Variants in SAMSN1 observed in about 807,000 individuals in gnomAD.
SAMSN1 encodes the protein SAM domain, SH3 domain and nuclear localization signals 1.
A neutral mutation model predicts 42.0 loss-of-function variants in SAMSN1; 31 were observed. That is an observed-to-expected ratio of 0.74 (90% CI 0.55 to 1.00). The LOEUF is 1.00. SAMSN1 is among the 50% of genes least tolerant of loss of function. The probability of loss-of-function intolerance (pLI) is 0.00; values close to 1 mark genes in which losing one functional copy is unlikely to be tolerated. For synonymous variants in SAMSN1, 178 were observed against 151.9 expected, an observed-to-expected ratio of 1.17 and a Z score of -1.26; for missense variants, 464 against 439.4, an observed-to-expected ratio of 1.06 and a Z score of -0.50.
At chr21:14,657,930 C>G (rs1243722660) in intron 1 of SAMSN1, among the ~76,000 whole-genome samples, 1 of 151,746 alleles carries the variant, frequency 6.6e-6, no homozygotes, top group African/African-American at 2.4e-5. Context: ...ATCTTATGTG[C>G]AATTAGGAAA....
exon 5 of SAMSN1, chr21:14,609,494 A>T (rs1982650770): frequency 1.4e-6 from 1 of 717,976 alleles, no homozygotes; most frequent in African/African-American, 1.7e-5. Context: ...TTTAGCTGAC[A>T]GGGCCTTCTG....
upstream of SAMSN1, among the ~76,000 whole-genome samples, chr21:14,586,629 A>C (rs565489614): frequency 6.6e-6 from 1 of 152,312 alleles, no homozygotes; most frequent in African/African-American, 2.4e-5. Context: ...AAACATAAGA[A>C]TGTGACATAA....
intron 5 of SAMSN1, among the ~76,000 whole-genome samples, chr21:14,504,685 G>A (rs1224151649): frequency 6.6e-6 from 1 of 152,172 alleles, no homozygotes; most frequent in Non-Finnish European, 1.5e-5. Context: ...GTATTTGGAG[G>A]AATAATCAAG....
chr21:14,540,763 G>A lies in SAMSN1; in HGVS notation c.57+5442C>T, dbSNP rs889656338. 2.2e-4 allele frequency among the ~76,000 whole-genome samples: 33 copies of A among 152,294 alleles called. 5 individuals are homozygous for A. The highest frequency in any genetic ancestry group is 1.2e-3 in the Admixed American group (19 of 15,296). On this transcript the variant is annotated intron_variant, in intron 1 of 7. Coordinates refer to ENST00000400566, the MANE Select transcript of SAMSN1 (RefSeq NM_022136.5). ...ATCTAGAACTAGTAATTCCATTTGA[G>A]CCAGCCATCCCATTGCTGGGTATAT...
chr21:14,548,488 A>G (rs1386881827), upstream of SAMSN1, among the ~76,000 whole-genome samples: 1 of 152,194 alleles, frequency 6.6e-6, no homozygotes, highest in African/African-American at 2.4e-5. Flanking sequence ...GTTATACTCA[A>G]GCAAACAAAA....
chr21:14,576,824 T>A (rs1217255574), intron 2 of SAMSN1, among the ~76,000 whole-genome samples: 1 of 152,166 alleles, frequency 6.6e-6, no homozygotes. Context: ...TGATTCTGTC[T>A]CTCACTATTA....
rs148981911 is a variant in SAMSN1 at position 14,571,871 on chromosome 21, C to T, written c.261+10265G>A. On this transcript the variant is annotated intron_variant, in intron 2 of 8. Transcript: ENST00000285670. ...AAGAAGCTAAAAGTAAACTCTCACCCGTTGCTCACTGTATACATTTCAGTG... is the reference window on the plus strand; with the variant it reads ...AAGAAGCTAAAAGTAAACTCTCACCTGTTGCTCACTGTATACATTTCAGTG... 3.3e-3 allele frequency among the ~76,000 whole-genome samples: 500 copies of T among 152,262 alleles called. 5 individuals are homozygous for T. Among genetic ancestry groups the T allele is most frequent in the African/African-American group, 0.011 (464 of 41,542 alleles).
chr21:14,544,725 C>T (rs1980276064), intron 1 of SAMSN1, among the ~76,000 whole-genome samples: 1 of 152,100 alleles, frequency 6.6e-6, no homozygotes, highest in South Asian at 2.1e-4. Context: ...ATAATAGTTA[C>T]TGCTCTTAAG....
At chr21:14,615,482 C>T (rs374329212) in intron 3 of SAMSN1, among the ~76,000 whole-genome samples, 34 of 152,222 alleles carry the variant, frequency 2.2e-4, no homozygotes, top group Non-Finnish European at 3.4e-4. Context: ...CCCCATAAAC[C>T]GGCTTCCTGC....
chr21:14,547,979 A>G (rs545134312), upstream of SAMSN1, among the ~76,000 whole-genome samples: 29 of 152,270 alleles, frequency 1.9e-4, no homozygotes, highest in East Asian at 3.7e-3. Flanking sequence ...GAACACTGGA[A>G]AACCTGAGAA....
exon 5 of SAMSN1, chr21:14,609,491 G>C (rs758124472): frequency 9.8e-6 from 7 of 717,906 alleles, no homozygotes; most frequent in Non-Finnish European, 1.8e-5. Flanking sequence ...CCTTTTAGCT[G>C]ACAGGGCCTT....
At chr21:14,611,690 T>A (rs1270143610) in intron 4 of SAMSN1, among the ~76,000 whole-genome samples, 1 of 152,124 alleles carries the variant, frequency 6.6e-6, no homozygotes, top group East Asian at 1.9e-4. Flanking sequence ...TAACAACGAG[T>A]GACTGCAGGA....
chr21:14,575,669 C>T (rs1981436282), intron 2 of SAMSN1, among the ~76,000 whole-genome samples: 1 of 152,178 alleles, frequency 6.6e-6, no homozygotes, highest in Admixed American at 6.6e-5. Context: ...AGTGTGTGAG[C>T]TTTCTTCTTA....
At chr21:14,566,164 A>C (rs1419856134) in intron 2 of SAMSN1, among the ~76,000 whole-genome samples, 1 of 152,186 alleles carries the variant, frequency 6.6e-6, no homozygotes, top group Admixed American at 6.5e-5. Context: ...GTCAAAGGAG[A>C]CTTTTCTCCA....
chr21:14,589,104 T>G (rs1982008080), intron 7 of SAMSN1, among the ~76,000 whole-genome samples: 1 of 152,160 alleles, frequency 6.6e-6, no homozygotes. Context: ...TATCTCATTT[T>G]CAGACACTTT....
At chr21:14,604,941 G>T (rs1247738828) in intron 5 of SAMSN1, among the ~76,000 whole-genome samples, 1 of 152,224 alleles carries the variant, frequency 6.6e-6, no homozygotes, top group Non-Finnish European at 1.5e-5. Context: ...AGCCTAATAA[G>T]ATGTTCTTTT....
intron 2 of SAMSN1, among the ~76,000 whole-genome samples, chr21:14,578,756 G>A (rs188707915): frequency 6.8e-6 from 1 of 147,958 alleles, no homozygotes; most frequent in Non-Finnish European, 1.5e-5. Flanking sequence ...GGAGAAACTA[G>A]TGTCCTTGTA....
exon 1 of SAMSN1, chr21:14,583,384 T>G: frequency 2.9e-6 from 1 of 344,894 alleles, no homozygotes; most frequent in Non-Finnish European, 5.2e-6. Context: ...ATGGCGACAG[T>G]GGACACTGCT....
rs192668069 is a variant in SAMSN1, at chr21:14,491,540, C to G, written c.920-5426G>C. On this transcript the variant is annotated intron_variant, in intron 7 of 7. Transcript: ENST00000400566. ...GCAGAGGGAAATCTGTACAAACAAG[C>G]CATGTTAAACAAACCCTTATCTATC... is the stretch of plus-strand genomic sequence containing the variant. Among the ~76,000 whole-genome samples, 4 of 152,304 alleles carry G rather than the reference C, an allele frequency of 2.6e-5. No homozygotes were observed. In the East Asian group the frequency reaches 7.7e-4, roughly 29 times the overall value.
Sources: gnomAD v4.1 joint callset for allele counts (sites outside exome capture counted in the v4.1 genomes callset) on GRCh38, gnomAD v4.1.1 for gene constraint, MANE v1.5 for transcripts, NCBI Gene and HGNC (gene_info 2026-07-23, HGNC 2026-07-21) for gene names.